Variants in GPR161 observed in about 807,000 individuals in gnomAD.
GPR161 encodes the protein G-protein coupled receptor RE2.
In GPR161, 25 loss-of-function variants were observed where a neutral mutation model predicts 39.2. That is an observed-to-expected ratio of 0.64 (90% CI 0.47 to 0.89). The LOEUF (loss-of-function observed/expected upper bound fraction) is 0.89. Among genes scored for constraint, GPR161 ranks in the 40% least tolerant of loss-of-function variants. The pLI, the probability that GPR161 is intolerant of heterozygous loss-of-function variation, is 0.00. For missense variants in GPR161, 547 were observed against 677.8 expected (o/e 0.81, Z 2.14); for synonymous variants, 286 against 276.6 (o/e 1.03, Z -0.34).
At chr1:168,121,603 AG>A (rs1368338157) in intron 1 of GPR161, among the ~76,000 whole-genome samples, 1 of 152,188 alleles carries the variant, frequency 6.6e-6, no homozygotes, top group Non-Finnish European at 1.5e-5. Flanking sequence ...GGAGAGTCTC[AG>A]GCCCCAAGAG....
rs546516094 is a variant in GPR161, at chr1:168,079,653, A to C, written c.*5878T>G. ...CTAAACTTTTTTTTAACCTTAAAAA[A>C]ATCATCCAAAGACTTCAAGTTAAAT... On this transcript the variant is annotated 3_prime_UTR_variant, in exon 6 of 6. Coordinates refer to ENST00000682931, the MANE Select transcript of GPR161 (RefSeq NM_001375883.1). 1.3e-5 allele frequency: 2 copies of C among 152,244 alleles called. No homozygotes were observed. The highest frequency in any genetic ancestry group is 1.3e-4 in the Admixed American group (2 of 15,286). The allele number at this position is 152,244 out of a possible 1,614,324, so 9.4% of individuals were successfully genotyped here. A position where few individuals can be genotyped will look rare whatever the true frequency, so the allele number is the denominator to read the frequency against.
rs1437296990 is a variant in GPR161, at chr1:168,083,296, T to C, written c.*2235A>G. 1 of 148,282 alleles carries C rather than the reference T, an allele frequency of 6.7e-6. No homozygotes were observed. Among genetic ancestry groups the C allele is most frequent in the Non-Finnish European group, 1.5e-5 (1 of 67,958 alleles). 9.2% of individuals were successfully genotyped at this position (148,282 alleles called of 1,614,324 possible). A position where few individuals can be genotyped will look rare whatever the true frequency, so the allele number is the denominator to read the frequency against. On this transcript the variant is annotated 3_prime_UTR_variant, in exon 6 of 6. Transcript: ENST00000682931. ...TTGTGAAATGCAGTATTTCTAGATTTAGATTAAATTCTATAATAGCCCAGC... is the reference window on the plus strand; with the variant it reads ...TTGTGAAATGCAGTATTTCTAGATTCAGATTAAATTCTATAATAGCCCAGC...
At chr1:168,118,194 A>G (rs185639312) in intron 1 of GPR161, among the ~76,000 whole-genome samples, 1 of 152,364 alleles carries the variant, frequency 6.6e-6, no homozygotes, top group East Asian at 1.9e-4. Flanking sequence ...CAGAGTAAAA[A>G]GACGACAACC....
chr1:168,102,159 G>A (rs1001408412), intron 2 of GPR161, among the ~76,000 whole-genome samples: 2 of 152,168 alleles, frequency 1.3e-5, no homozygotes, highest in Non-Finnish European at 2.9e-5. Context: ...CCACTGTGCT[G>A]GGCATATAAT....
At chr1:168,106,335 C>T (rs1340143842) in intron 1 of GPR161, among the ~76,000 whole-genome samples, 2 of 152,290 alleles carry the variant, frequency 1.3e-5, no homozygotes, top group Admixed American at 1.3e-4. Flanking sequence ...ACCGGTAATC[C>T]CAGCACTTTG....
At chr1:168,131,589 T>C (rs1698995934) in intron 1 of GPR161, among the ~76,000 whole-genome samples, 1 of 152,054 alleles carries the variant, frequency 6.6e-6, no homozygotes, top group Non-Finnish European at 1.5e-5. Flanking sequence ...AAATTTAAAA[T>C]ATTTTTAAAT....
In GPR161 at chr1:168,084,819, T is replaced by G. The variant is rs1451938155; in HGVS notation, c.*712A>C. 2 of 456,202 alleles carry G rather than the reference T, an allele frequency of 4.4e-6. No individual in the cohort carries two copies. Among genetic ancestry groups the G allele is most frequent in the South Asian group, 3.1e-5 (2 of 64,564 alleles). 28.3% of individuals were successfully genotyped at this position (456,202 alleles called of 1,614,324 possible). ...CACCTAGTACCTGCCCTTCCTCTTG[T>G]CTTTTATAGTGGTTTCTCCCTTTTG... On this transcript the variant is annotated 3_prime_UTR_variant, in exon 6 of 6. Coordinates refer to ENST00000682931, the MANE Select transcript of GPR161 (RefSeq NM_001375883.1).
rs1693975159 is a variant in GPR161, at chr1:168,080,310, T to TAAG, written c.*5218_*5220dup. The TAAG allele has an allele frequency of 6.6e-6, 1 of 152,242 alleles. No individual in the cohort carries two copies. Among genetic ancestry groups the TAAG allele is most frequent in the African/African-American group, 2.4e-5 (1 of 41,458 alleles). 9.4% of individuals were successfully genotyped at this position (152,242 alleles called of 1,614,324 possible). ...ACTATACCTCATCTTCCTTGACCTA[T>TAAG]AAGACTAGCTCCTTGCTTTTCTCAT... On this transcript the variant is annotated 3_prime_UTR_variant, in exon 6 of 6. Coordinates refer to ENST00000682931, the MANE Select transcript of GPR161 (RefSeq NM_001375883.1).
Position 168,080,570 on chromosome 1 carries a change from A to G in GPR161, c.*4961T>C, listed in dbSNP as rs952173504. On this transcript the variant is annotated 3_prime_UTR_variant, in exon 6 of 6. Coordinates refer to ENST00000682931, the MANE Select transcript of GPR161 (RefSeq NM_001375883.1). ...CTGGGGTTCTGCATATATTGTGGGTAGCATCCCTGCCCTGCCTCTTAGGGG... is the reference window on the plus strand; with the variant it reads ...CTGGGGTTCTGCATATATTGTGGGTGGCATCCCTGCCCTGCCTCTTAGGGG... 7 of 152,232 alleles carry G rather than the reference A, an allele frequency of 4.6e-5. No individual in the cohort carries two copies. The highest frequency in any genetic ancestry group is 1.7e-4 in the African/African-American group (7 of 41,440). 9.4% of individuals were successfully genotyped at this position (152,232 alleles called of 1,614,324 possible).
At chr1:168,085,970 G>A (rs950058280) in intron 5 of GPR161, among the ~76,000 whole-genome samples, 174 bp from the exon 6 acceptor site, 1 of 152,118 alleles carries the variant, frequency 6.6e-6, no homozygotes, top group African/African-American at 2.4e-5. Flanking sequence ...TTCCTACCTG[G>A]GAAATCTTGG....
chr1:168,120,383 AC>A (rs774404799), intron 1 of GPR161, among the ~76,000 whole-genome samples: 31 of 152,130 alleles, frequency 2.0e-4, no homozygotes, highest in Non-Finnish European at 4.1e-4. Context: ...CAATGCCTGT[AC>A]CCCCATTGTA....
At chr1:168,100,801 T>C (rs1696025128) in intron 2 of GPR161, among the ~76,000 whole-genome samples, 1 of 152,252 alleles carries the variant, frequency 6.6e-6, no homozygotes, top group African/African-American at 2.4e-5. Context: ...TTTTTAGACC[T>C]GGAGTTTCAC....
chr1:168,111,566 C>A (rs1015614752), intron 1 of GPR161, among the ~76,000 whole-genome samples: 4 of 152,186 alleles, frequency 2.6e-5, no homozygotes, highest in African/African-American at 9.6e-5. Context: ...ATTAGGGATG[C>A]GAAGCCAACA....
rs1693990345 is a variant in GPR161, at chr1:168,080,525, C to T, written c.*5006G>A. On this transcript the variant is annotated 3_prime_UTR_variant, in exon 6 of 6. Coordinates refer to ENST00000682931, the MANE Select transcript of GPR161 (RefSeq NM_001375883.1). Reference sequence around the variant, plus strand: ...CCTACAGTGAAGACGGTAATTTCCTCTCTCTCCCACAGGCTCCATCTGGGG... The same window carrying T: ...CCTACAGTGAAGACGGTAATTTCCTTTCTCTCCCACAGGCTCCATCTGGGG... 2.0e-5 allele frequency: 3 copies of T among 152,310 alleles called. No homozygotes were observed. The highest frequency in any genetic ancestry group is 7.2e-5 in the African/African-American group (3 of 41,436). The allele number at this position is 152,310 out of a possible 1,614,324, so 9.4% of individuals were successfully genotyped here.
intron 2 of GPR161, among the ~76,000 whole-genome samples, chr1:168,103,845 TACA>T (rs1696338093): frequency 1.3e-5 from 2 of 152,230 alleles, no homozygotes; most frequent in Admixed American, 1.3e-4. Context: ...ACAAGACTTG[TACA>T]ACTAAATCTG....
At chr1:168,092,711 T>A (rs74433073) in intron 3 of GPR161, among the ~76,000 whole-genome samples, 12 of 152,202 alleles carry the variant, frequency 7.9e-5, no homozygotes, top group African/African-American at 2.9e-4. Context: ...GACCTCTAGA[T>A]GCCCCCAAGC....
chr1:168,133,501 T>A (rs985882339), intron 1 of GPR161, among the ~76,000 whole-genome samples: 1 of 152,224 alleles, frequency 6.6e-6, no homozygotes, highest in African/African-American at 2.4e-5. Flanking sequence ...ACCGATACTA[T>A]GAAATACTAT....
chr1:168,121,053 G>C (rs1220428810), intron 1 of GPR161, among the ~76,000 whole-genome samples: 1 of 152,150 alleles, frequency 6.6e-6, no homozygotes, highest in East Asian at 1.9e-4. Context: ...TCTGTCCAAA[G>C]GGATTGGATG....
intron 3 of GPR161, among the ~76,000 whole-genome samples, chr1:168,094,864 C>T (rs899612838): frequency 2.6e-5 from 4 of 152,188 alleles, no homozygotes; most frequent in Non-Finnish European, 5.9e-5. Context: ...ACAAATGTGT[C>T]CTGAGTCAGT....
Sources: gnomAD v4.1 joint callset for allele counts (sites outside exome capture counted in the v4.1 genomes callset) on GRCh38, gnomAD v4.1.1 for gene constraint, MANE v1.5 for transcripts, NCBI Gene and HGNC (gene_info 2026-07-23, HGNC 2026-07-21) for gene names.